The following POU6F2 variants were observed in gnomAD, a reference collection of about 807,000 sequenced individuals.
POU6F2 encodes the protein POU class 6 homeobox 2.
Under a neutral mutation model 71.3 loss-of-function variants are expected in POU6F2, and 31 were observed. The observed-to-expected ratio is 0.43, with a 90% CI of 0.33 to 0.59. The LOEUF (loss-of-function observed/expected upper bound fraction) is 0.59, where lower values mean the gene tolerates loss of function less well. POU6F2 is among the 20% of genes least tolerant of loss of function. The pLI is 0.04. For synonymous variants in POU6F2, 347 were observed against 355.7 expected (o/e 0.98, Z 0.27); for missense variants, 783 against 856.8 (o/e 0.91, Z 1.07).
At chr7:39,084,113 G>A (rs1195644372) in intron 1 of POU6F2, among the ~76,000 whole-genome samples, 1 of 151,856 alleles carries the variant, frequency 6.6e-6, no homozygotes, top group Non-Finnish European at 1.5e-5. Flanking sequence ...CTCCTTTCTC[G>A]CTGTCTCTCT....
chr7:39,143,238 A>G lies in POU6F2; in HGVS notation c.277+57207A>G, dbSNP rs527299178. ...ATCAAAAGAGGCTGCCAAAGGACCT[A>G]GTGAACTGATAAAACGAAATGATTA... On this transcript the variant is annotated intron_variant, in intron 2 of 9. Coordinates refer to ENST00000518318, the MANE Select transcript of POU6F2 (RefSeq NM_001370959.1). 3.3e-5 allele frequency among the ~76,000 whole-genome samples: 5 copies of G among 152,376 alleles called. No individual in the cohort carries two copies. The East Asian group carries it at 7.7e-4, about 23-fold the overall frequency.
chr7:39,349,544 CT>C (rs1459410088), intron 5 of POU6F2, among the ~76,000 whole-genome samples: 2 of 152,168 alleles, frequency 1.3e-5, no homozygotes, highest in Non-Finnish European at 2.9e-5. Context: ...CCCCCAGCCC[CT>C]GGCACCCTCA....
At chr7:39,132,421 C>A (rs1461774958) in intron 2 of POU6F2, 1 of 152,140 alleles carries the variant, frequency 6.6e-6, no homozygotes, top group Non-Finnish European at 1.5e-5. Context: ...AAATGATGAC[C>A]CTACAATTTC....
At chr7:39,327,838 A>G (rs1048541240) in intron 4 of POU6F2, among the ~76,000 whole-genome samples, 6 of 150,982 alleles carry the variant, frequency 4.0e-5, no homozygotes, top group African/African-American at 1.5e-4. Flanking sequence ...CCATATATGT[A>G]TGCATTAGTT....
intron 4 of POU6F2, among the ~76,000 whole-genome samples, chr7:39,250,418 T>A (rs1369413581): frequency 6.6e-6 from 1 of 152,202 alleles, no homozygotes; most frequent in East Asian, 1.9e-4. Context: ...GGTATCCTGA[T>A]GAGAAAGCCT....
intron 2 of POU6F2, among the ~76,000 whole-genome samples, chr7:39,190,707 G>C (rs548100083): frequency 1.4e-5 from 2 of 142,192 alleles, no homozygotes; most frequent in Admixed American, 7.7e-5. Context: ...GCATGATCTC[G>C]GCTCACTGCA....
At chr7:39,308,406 C>G (rs1200879526) in intron 4 of POU6F2, among the ~76,000 whole-genome samples, 3 of 152,142 alleles carry the variant, frequency 2.0e-5, no homozygotes, top group Non-Finnish European at 4.4e-5. Context: ...CCCCCAGGTG[C>G]GTAAGCTTCC....
intron 2 of POU6F2, among the ~76,000 whole-genome samples, chr7:39,134,066 G>A (rs1291391769): frequency 6.6e-6 from 1 of 151,974 alleles, no homozygotes; most frequent in Non-Finnish European, 1.5e-5. Context: ...TAGAGATAGA[G>A]TTTCACTATA....
At chr7:39,226,206 G>A (rs943382061) in intron 4 of POU6F2, among the ~76,000 whole-genome samples, 1 of 152,156 alleles carries the variant, frequency 6.6e-6, no homozygotes, top group Non-Finnish European at 1.5e-5. Flanking sequence ...GTCCCATCTG[G>A]AAGAATTCTG....
chr7:39,250,254 G>A (rs957732186), intron 4 of POU6F2, among the ~76,000 whole-genome samples: 6 of 152,162 alleles, frequency 3.9e-5, no homozygotes, highest in Admixed American at 1.3e-4. Context: ...AACAGTGACC[G>A]TGATCTTGAC....
At chr7:39,243,010 G>C (rs1362452027) in intron 4 of POU6F2, among the ~76,000 whole-genome samples, 3 of 152,084 alleles carry the variant, frequency 2.0e-5, no homozygotes, top group Admixed American at 6.6e-5. Flanking sequence ...CCTCATAGAA[G>C]TACCTCCATT....
intron 2 of POU6F2, among the ~76,000 whole-genome samples, chr7:39,197,770 C>T (rs115173404): frequency 0.013 from 2,032 of 152,272 alleles, 44 homozygotes; most frequent in African/African-American, 0.046. Context: ...GACTTCGTTC[C>T]GCTGATTCTG....
chr7:39,111,914 A>G (rs1395918563), intron 2 of POU6F2, among the ~76,000 whole-genome samples: 1 of 152,096 alleles, frequency 6.6e-6, no homozygotes, highest in Non-Finnish European at 1.5e-5. Context: ...GGCTTACCAA[A>G]CCCCAATGGG....
At chr7:39,104,682 G>C (rs1584544335) in intron 2 of POU6F2, among the ~76,000 whole-genome samples, 1 of 152,216 alleles carries the variant, frequency 6.6e-6, no homozygotes, top group South Asian at 2.1e-4. Flanking sequence ...CATTAAGGCT[G>C]TTCCATATTT....
chr7:39,390,988 C>A (rs1787064692), intron 5 of POU6F2, among the ~76,000 whole-genome samples: 1 of 152,128 alleles, frequency 6.6e-6, no homozygotes, highest in Admixed American at 6.5e-5. Flanking sequence ...CGAGCAAACC[C>A]TGGGACTAGG....
chr7:39,045,533 G>T (rs941819214), intron 1 of POU6F2, among the ~76,000 whole-genome samples: 1 of 151,504 alleles, frequency 6.6e-6, no homozygotes, highest in African/African-American at 2.4e-5. Flanking sequence ...TTGGGATGAG[G>T]CTCTTTAGCT....
intron 2 of POU6F2, among the ~76,000 whole-genome samples, chr7:39,201,741 G>A (rs776542578): frequency 6.6e-6 from 1 of 152,204 alleles, no homozygotes; most frequent in Non-Finnish European, 1.5e-5. Flanking sequence ...AATATCCAAT[G>A]TCAAATTCTC....
intron 2 of POU6F2, among the ~76,000 whole-genome samples, chr7:39,137,366 C>A (rs866677892): frequency 3.3e-5 from 5 of 152,086 alleles, no homozygotes; most frequent in African/African-American, 1.2e-4. Context: ...AAATAAATTA[C>A]AGCACCTCCA....
intron 2 of POU6F2, among the ~76,000 whole-genome samples, chr7:39,091,988 G>A (rs1366785885): frequency 6.6e-6 from 1 of 152,166 alleles, no homozygotes; most frequent in Non-Finnish European, 1.5e-5. Flanking sequence ...GAAGAGGAAG[G>A]GTAGAAGGTT....
Sources: allele counts gnomAD v4.1 joint callset (sites outside exome capture counted in the v4.1 genomes callset), GRCh38; gene constraint gnomAD v4.1.1; transcripts MANE v1.5; gene names NCBI Gene and HGNC (gene_info 2026-07-23, HGNC 2026-07-21).